LRRC4C: variants seen among roughly 807,000 people sequenced by gnomAD.
LRRC4C encodes the protein leucine-rich repeat-containing protein 4C.
Under a neutral mutation model 33.6 loss-of-function variants are expected in LRRC4C, and 5 were observed. The observed-to-expected ratio is 0.15, with a 90% CI of 0.08 to 0.31. The LOEUF is 0.31. Among genes scored for constraint, LRRC4C ranks in the 10% least tolerant of loss-of-function variants. The pLI is 1.00. For synonymous variants in LRRC4C, 329 were observed against 302.0 expected, an observed-to-expected ratio of 1.09 and a Z score of -0.93; for missense variants, 560 against 796.7, an observed-to-expected ratio of 0.70 and a Z score of 3.58.
At chr11:41,138,580 A>G (rs1943366413) in intron 1 of LRRC4C, among the ~76,000 whole-genome samples, 1 of 152,218 alleles carries the variant, frequency 6.6e-6, no homozygotes, top group Non-Finnish European at 1.5e-5. Flanking sequence ...TCTAAGTTTC[A>G]TAATGTCCTG....
At chr11:40,558,625 G>C (rs1454935261) in intron 3 of LRRC4C, among the ~76,000 whole-genome samples, 5 of 152,098 alleles carry the variant, frequency 3.3e-5, no homozygotes, top group Non-Finnish European at 7.4e-5. Context: ...GTGTCTCCTT[G>C]ATATTCTAGT....
At chr11:40,837,221 G>C (rs1345178032) in intron 2 of LRRC4C, among the ~76,000 whole-genome samples, 1 of 151,942 alleles carries the variant, frequency 6.6e-6, no homozygotes, top group Non-Finnish European at 1.5e-5. Context: ...GATAACTTCT[G>C]TACTAGTTAA....
chr11:41,095,373 G>A (rs1940744183), intron 1 of LRRC4C, among the ~76,000 whole-genome samples: 1 of 152,110 alleles, frequency 6.6e-6, no homozygotes, highest in Non-Finnish European at 1.5e-5. Context: ...GATTTGGGTG[G>A]GGACACAGAG....
intron 1 of LRRC4C, among the ~76,000 whole-genome samples, chr11:41,311,743 G>A (rs1950648161): frequency 6.6e-6 from 1 of 152,118 alleles, no homozygotes; most frequent in Admixed American, 6.5e-5. Context: ...ACATTAAATT[G>A]TATTAGCAAA....
intron 1 of LRRC4C, among the ~76,000 whole-genome samples, chr11:41,119,629 G>A (rs1331050191): frequency 6.6e-6 from 1 of 152,094 alleles, no homozygotes; most frequent in Non-Finnish European, 1.5e-5. Flanking sequence ...CAAGGTTAAG[G>A]GACCTTGCCA....
chr11:40,858,208 T>C (rs1036364560), intron 2 of LRRC4C, among the ~76,000 whole-genome samples: 1 of 152,208 alleles, frequency 6.6e-6, no homozygotes, highest in African/African-American at 2.4e-5. Flanking sequence ...TGCAAAACTA[T>C]ACAACACTTC....
chr11:40,231,601 G>A (rs1170474411), intron 5 of LRRC4C, among the ~76,000 whole-genome samples: 12 of 152,034 alleles, frequency 7.9e-5, no homozygotes. Context: ...ATAACCCTAA[G>A]ATATTTTTAT....
chr11:41,132,188 A>T (rs1220966085), intron 1 of LRRC4C, among the ~76,000 whole-genome samples: 1 of 152,122 alleles, frequency 6.6e-6, no homozygotes, highest in Non-Finnish European at 1.5e-5. Context: ...AGAATTTAGC[A>T]TGAAGAAAGT....
chr11:40,446,903 A>G (rs1050320407), intron 3 of LRRC4C: 3 of 152,212 alleles, frequency 2.0e-5, no homozygotes, highest in Admixed American at 6.5e-5. Flanking sequence ...GGATAATGAG[A>G]TTATGGGGAT....
chr11:41,432,128 A>T (rs1208322680), intron 1 of LRRC4C, among the ~76,000 whole-genome samples: 1 of 152,178 alleles, frequency 6.6e-6, no homozygotes, highest in Non-Finnish European at 1.5e-5. Flanking sequence ...AACAAAGGAG[A>T]CAGTAGATAA....
intron 4 of LRRC4C, among the ~76,000 whole-genome samples, chr11:40,248,033 G>T (rs897293725): frequency 6.6e-6 from 1 of 152,060 alleles, no homozygotes; most frequent in African/African-American, 2.4e-5. Context: ...CGTGAATCGA[G>T]GTATACCACT....
At chr11:40,626,991 C>G (rs141189270) in intron 3 of LRRC4C, among the ~76,000 whole-genome samples, 1 of 151,812 alleles carries the variant, frequency 6.6e-6, no homozygotes, top group African/African-American at 2.4e-5. Flanking sequence ...GCTTTGCTAC[C>G]AGTTAGAGTT....
chr11:40,691,119 C>T (rs1174017292), intron 2 of LRRC4C, among the ~76,000 whole-genome samples: 5 of 151,908 alleles, frequency 3.3e-5, no homozygotes, highest in African/African-American at 9.7e-5. Context: ...GATTTTGAAA[C>T]GCTAACAAGT....
chr11:41,215,483 A>T (rs932304598), intron 1 of LRRC4C, among the ~76,000 whole-genome samples: 4 of 138,182 alleles, frequency 2.9e-5, no homozygotes, highest in African/African-American at 1.2e-4. Flanking sequence ...GTGCAATTCC[A>T]TCTCAAAAAA....
intron 3 of LRRC4C, among the ~76,000 whole-genome samples, chr11:40,453,672 T>A (rs1952002930): frequency 6.7e-6 from 1 of 148,964 alleles, no homozygotes; most frequent in African/African-American, 2.4e-5. Flanking sequence ...ATAAAAATTA[T>A]CAGCAAAATA....
chr11:41,287,637 T>A (rs139075920), intron 1 of LRRC4C, among the ~76,000 whole-genome samples: 96 of 152,290 alleles, frequency 6.3e-4, no homozygotes, highest in African/African-American at 2.2e-3. Context: ...GGCAAACAGA[T>A]ATCAATACAC....
intron 4 of LRRC4C, among the ~76,000 whole-genome samples, chr11:40,304,093 ATCAT>A (rs1318273923): frequency 6.6e-6 from 1 of 152,192 alleles, no homozygotes; most frequent in African/African-American, 2.4e-5. Context: ...AATTGCCAAC[ATCAT>A]TCACCAAAGT....
At chr11:41,198,091 A>G (rs1209519376) in intron 1 of LRRC4C, among the ~76,000 whole-genome samples, 2 of 152,162 alleles carry the variant, frequency 1.3e-5, no homozygotes, top group South Asian at 2.1e-4. Context: ...ATTTTAAAGT[A>G]TATTATTTAC....
intron 1 of LRRC4C, among the ~76,000 whole-genome samples, chr11:41,441,614 T>TAAAAAA (rs5791441): frequency 7.1e-6 from 1 of 139,950 alleles, no homozygotes; most frequent in Non-Finnish European, 1.5e-5. Context: ...TTTTTCCAGT[T>TAAAAAA]AAAAAAAAAA....
Sources: allele counts gnomAD v4.1 joint callset (sites outside exome capture counted in the v4.1 genomes callset), GRCh38; gene constraint gnomAD v4.1.1; transcripts MANE v1.5; gene names NCBI Gene and HGNC (gene_info 2026-07-23, HGNC 2026-07-21).